The following HS6ST3 variants were observed in gnomAD, a reference collection of about 807,000 sequenced individuals.
HS6ST3 encodes the protein heparan-sulfate 6-O-sulfotransferase 3.
Under a neutral mutation model 36.7 loss-of-function variants are expected in HS6ST3, and 12 were observed. That is an observed-to-expected ratio of 0.33 (90% CI 0.21 to 0.53). The LOEUF (loss-of-function observed/expected upper bound fraction) is 0.53, where lower values mean the gene tolerates loss of function less well. Ranked by LOEUF, HS6ST3 falls within the 20% of genes least tolerant of loss-of-function variation. The pLI, the probability that HS6ST3 is intolerant of heterozygous loss-of-function variation, is 0.95. For missense variants in HS6ST3, 584 were observed against 640.9 expected (o/e 0.91, Z 0.96); for synonymous variants, 240 against 257.5 (o/e 0.93, Z 0.65).
intron 1 of HS6ST3, among the ~76,000 whole-genome samples, chr13:96,759,148 C>A (rs1174348564): frequency 6.6e-6 from 1 of 151,708 alleles, no homozygotes; most frequent in Non-Finnish European, 1.5e-5. Context: ...TGGTAAATCA[C>A]TTTCCCTCTT....
chr13:96,160,469 G>A (rs1437743253), intron 1 of HS6ST3, among the ~76,000 whole-genome samples: 2 of 152,106 alleles, frequency 1.3e-5, no homozygotes, highest in East Asian at 1.9e-4. Flanking sequence ...TTTCCTTTAG[G>A]TAAAGAGATC....
At chr13:96,707,956 G>A (rs1212505913) in intron 1 of HS6ST3, among the ~76,000 whole-genome samples, 1 of 152,178 alleles carries the variant, frequency 6.6e-6, no homozygotes, top group Non-Finnish European at 1.5e-5. Flanking sequence ...GTGAAGAACT[G>A]GAGTTAGTGA....
chr13:96,268,009 AAGAGAGAG>A (rs146778586), intron 1 of HS6ST3, among the ~76,000 whole-genome samples: 1 of 149,832 alleles, frequency 6.7e-6, no homozygotes. Context: ...CTCAAGTGCA[AAGAGAGAG>A]AGAGAGAGAG....
intron 1 of HS6ST3, among the ~76,000 whole-genome samples, chr13:96,683,806 C>T (rs1007551151): frequency 2.0e-5 from 3 of 152,056 alleles, no homozygotes; most frequent in Non-Finnish European, 4.4e-5. Flanking sequence ...TTTCTATCTT[C>T]AGTTTAATAA....
chr13:96,779,316 C>CAGT (rs1877469421), intron 1 of HS6ST3, among the ~76,000 whole-genome samples: 1 of 147,454 alleles, frequency 6.8e-6, no homozygotes, highest in African/African-American at 2.5e-5. Flanking sequence ...CTTAAAGTAT[C>CAGT]AATAATAATA....
At chr13:96,522,887 A>C (rs904752876) in intron 1 of HS6ST3, among the ~76,000 whole-genome samples, 10 of 152,080 alleles carry the variant, frequency 6.6e-5, no homozygotes, top group Non-Finnish European at 1.3e-4. Flanking sequence ...GTTATGTGTG[A>C]ATTTGATCCT....
intron 1 of HS6ST3, among the ~76,000 whole-genome samples, chr13:96,512,068 A>G (rs2056052074): frequency 1.3e-5 from 2 of 152,214 alleles, no homozygotes; most frequent in South Asian, 4.1e-4. Context: ...ATAGAAAGAC[A>G]TATAATTATA....
At chr13:96,796,546 AT>A (rs1877916741) in intron 1 of HS6ST3, among the ~76,000 whole-genome samples, 1 of 152,088 alleles carries the variant, frequency 6.6e-6, no homozygotes, top group Non-Finnish European at 1.5e-5. Context: ...CTGAGAGAAA[AT>A]TTAATACAGT....
At chr13:96,689,136 T>G (rs569652969) in intron 1 of HS6ST3, among the ~76,000 whole-genome samples, 445 of 152,102 alleles carry the variant, frequency 2.9e-3, no homozygotes, top group Non-Finnish European at 5.4e-3. Flanking sequence ...GTAAAATGAG[T>G]GTAATCAAAG....
At chr13:96,658,953 C>G (rs1409432099) in intron 1 of HS6ST3, among the ~76,000 whole-genome samples, 1 of 149,970 alleles carries the variant, frequency 6.7e-6, no homozygotes, top group South Asian at 2.1e-4. Flanking sequence ...AGTAATCCAC[C>G]GCCTCTGCCT....
At chr13:96,736,153 A>G (rs1876279752) in intron 1 of HS6ST3, among the ~76,000 whole-genome samples, 1 of 152,094 alleles carries the variant, frequency 6.6e-6, no homozygotes, top group Admixed American at 6.5e-5. Context: ...AATAATCTGT[A>G]CAACAAACCC....
chr13:96,476,250 T>A (rs2055863425), intron 1 of HS6ST3, among the ~76,000 whole-genome samples: 1 of 152,178 alleles, frequency 6.6e-6, no homozygotes, highest in South Asian at 2.1e-4. Context: ...TTAGGTTAAT[T>A]TTTTTTGACA....
intron 1 of HS6ST3, among the ~76,000 whole-genome samples, chr13:96,492,826 A>G (rs1029424260): frequency 6.6e-6 from 1 of 152,166 alleles, no homozygotes; most frequent in African/African-American, 2.4e-5. Context: ...ATGGGGGTTG[A>G]GAGGTCTTAA....
chr13:96,307,501 A>G (rs774943068), intron 1 of HS6ST3, among the ~76,000 whole-genome samples: 14 of 152,268 alleles, frequency 9.2e-5, no homozygotes, highest in Admixed American at 4.6e-4. Context: ...GCCGAGGTAT[A>G]TTTATTAATA....
At chr13:96,502,454 T>G (rs988082137) in intron 1 of HS6ST3, among the ~76,000 whole-genome samples, 1 of 151,020 alleles carries the variant, frequency 6.6e-6, no homozygotes, top group Non-Finnish European at 1.5e-5. Context: ...AAAGTACTCC[T>G]GTCATGTTCT....
chr13:96,750,197 G>C (rs1174311200), intron 1 of HS6ST3, among the ~76,000 whole-genome samples: 1 of 152,202 alleles, frequency 6.6e-6, no homozygotes, highest in African/African-American at 2.4e-5. Context: ...GCATTGCCAG[G>C]CTGGCATTTG....
At chr13:96,676,966 G>C (rs956199544) in intron 1 of HS6ST3, among the ~76,000 whole-genome samples, 11 of 152,098 alleles carry the variant, frequency 7.2e-5, no homozygotes, top group African/African-American at 2.4e-4. Flanking sequence ...GAGAGTCAAG[G>C]TCATAGTAAG....
At chr13:96,585,805 G>A (rs1160682754) in intron 1 of HS6ST3, among the ~76,000 whole-genome samples, 4 of 152,170 alleles carry the variant, frequency 2.6e-5, no homozygotes, top group Non-Finnish European at 5.9e-5. Context: ...TGGTTGACTA[G>A]TGTTCCACTG....
intron 1 of HS6ST3, among the ~76,000 whole-genome samples, chr13:96,604,432 T>C (rs536783966): frequency 1.3e-5 from 2 of 152,270 alleles, no homozygotes; most frequent in Admixed American, 1.3e-4. Context: ...AGAATTTCAG[T>C]TCTTTGAGAT....
Sources: allele counts gnomAD v4.1 joint callset (sites outside exome capture counted in the v4.1 genomes callset), GRCh38; gene constraint gnomAD v4.1.1; transcripts MANE v1.5; gene names NCBI Gene and HGNC (gene_info 2026-07-23, HGNC 2026-07-21).